NCKAP5: variants seen among roughly 807,000 people sequenced by gnomAD.
NCKAP5 encodes the protein NCK associated protein 5.
NCKAP5 carries 92 observed loss-of-function variants against 167.0 expected under a neutral mutation model. The observed-to-expected ratio is 0.55, with a 90% CI of 0.47 to 0.66. NCKAP5 has a LOEUF of 0.66. Among genes scored for constraint, NCKAP5 ranks in the 30% least tolerant of loss-of-function variants. NCKAP5 has a pLI of 0.00. For synonymous variants in NCKAP5, 891 were observed against 877.4 expected, an observed-to-expected ratio of 1.02 and a Z score of -0.27; for missense variants, 2,378 against 2,315.0, an observed-to-expected ratio of 1.03 and a Z score of -0.56.
At chr2:133,129,691 CTACTG>C (rs1263737294) in intron 6 of NCKAP5, among the ~76,000 whole-genome samples, 1 of 152,202 alleles carries the variant, frequency 6.6e-6, no homozygotes, top group African/African-American at 2.4e-5. Flanking sequence ...AAGGACAAGC[CTACTG>C]GCTGCAAAGC....
chr2:132,915,011 T>G (rs1694754299), intron 8 of NCKAP5, among the ~76,000 whole-genome samples: 1 of 149,736 alleles, frequency 6.7e-6, no homozygotes, highest in African/African-American at 2.5e-5. Flanking sequence ...AAAAAATGCC[T>G]ATTGCATACC....
At chr2:133,123,549 A>T (rs1254471024) in intron 6 of NCKAP5, 3 of 250,970 alleles carry the variant, frequency 1.2e-5, no homozygotes, top group African/African-American at 6.6e-5. Flanking sequence ...GAGAGGCCCC[A>T]ATTTTTATGA....
At chr2:132,936,882 G>A (rs1314547441) in intron 8 of NCKAP5, among the ~76,000 whole-genome samples, 1 of 152,098 alleles carries the variant, frequency 6.6e-6, no homozygotes, top group South Asian at 2.1e-4. Context: ...ATGAAATGAG[G>A]GTTTGTGTGA....
At position 133,017,731 on chromosome 2, in the gene NCKAP5, C is replaced by T. The variant is rs540240911; in HGVS notation, c.342-23492G>A. ...TGTAAGGCAAGTTCTTCCCCGCCCC[C>T]CCACTGTTTCCTTCTCTCCCCAGTC... On this transcript the variant is annotated intron_variant, in intron 6 of 19. Coordinates refer to ENST00000409261, the MANE Select transcript of NCKAP5 (RefSeq NM_207363.3). Among the ~76,000 whole-genome samples the T allele has an allele frequency of 4.1e-5, 6 of 147,880 alleles. No homozygotes were observed. In the East Asian group the frequency reaches 9.7e-4, roughly 24 times the overall value.
chr2:133,365,630 T>A (rs992517544), intron 3 of NCKAP5, among the ~76,000 whole-genome samples: 3 of 152,196 alleles, frequency 2.0e-5, no homozygotes, highest in African/African-American at 7.2e-5. Context: ...TTTTCTCACA[T>A]CTTGCTCTGC....
chr2:133,560,711 C>G (rs563671899), intron 1 of NCKAP5, among the ~76,000 whole-genome samples: 1 of 152,300 alleles, frequency 6.6e-6, no homozygotes, highest in South Asian at 2.1e-4. Context: ...ATGACACGCT[C>G]TCAGCTCTCG....
At chr2:133,422,312 C>T (rs557304494) in intron 3 of NCKAP5, among the ~76,000 whole-genome samples, 3 of 152,326 alleles carry the variant, frequency 2.0e-5, no homozygotes, top group South Asian at 2.1e-4. Context: ...ATAAATGCCA[C>T]GGCAAAGTGC....
At chr2:132,936,229 G>A (rs973101095) in intron 8 of NCKAP5, among the ~76,000 whole-genome samples, 3 of 152,066 alleles carry the variant, frequency 2.0e-5, no homozygotes, top group East Asian at 1.9e-4. Context: ...TGATCTGCCC[G>A]CCTTGGCTTC....
the NCKAP5 span, among the ~76,000 whole-genome samples, chr2:133,589,867 A>G: frequency 6.6e-6 from 1 of 152,254 alleles, no homozygotes; most frequent in Admixed American, 6.5e-5. Flanking sequence ...GCTAATGTAC[A>G]TGAAACACAA....
At chr2:133,588,818 C>A in the NCKAP5 span, among the ~76,000 whole-genome samples, 1 of 152,146 alleles carries the variant, frequency 6.6e-6, no homozygotes, top group Non-Finnish European at 1.5e-5. Flanking sequence ...AGTGAGGAAG[C>A]AAACCATGAG....
intron 8 of NCKAP5, among the ~76,000 whole-genome samples, chr2:132,947,985 TG>T (rs1379010299): frequency 6.6e-6 from 1 of 152,110 alleles, no homozygotes; most frequent in East Asian, 1.9e-4. Flanking sequence ...CTGAGATGAA[TG>T]GGGGATTGCG....
chr2:133,326,846 C>G (rs547143361), intron 3 of NCKAP5, among the ~76,000 whole-genome samples: 4 of 152,318 alleles, frequency 2.6e-5, no homozygotes, highest in African/African-American at 9.6e-5. Flanking sequence ...GCAGCATTTC[C>G]TGGGTGCTTG....
the NCKAP5 span, among the ~76,000 whole-genome samples, chr2:133,631,341 A>G: frequency 6.6e-6 from 1 of 152,242 alleles, no homozygotes; most frequent in Non-Finnish European, 1.5e-5. Context: ...TATGCAGTGT[A>G]AAGCAAGAGC....
chr2:132,692,741 G>A (rs1046993934), intron 19 of NCKAP5, among the ~76,000 whole-genome samples: 16 of 152,138 alleles, frequency 1.1e-4, no homozygotes, highest in Admixed American at 9.8e-4. Context: ...TGTTTAACGT[G>A]GAAAACCACT....
At chr2:133,055,041 C>G (rs576859156) in intron 6 of NCKAP5, among the ~76,000 whole-genome samples, 10 of 152,098 alleles carry the variant, frequency 6.6e-5, no homozygotes, top group Non-Finnish European at 1.2e-4. Context: ...ATTTTCTTGA[C>G]TCAACCATTA....
chr2:133,633,276 C>G, the NCKAP5 span, among the ~76,000 whole-genome samples: 19 of 152,306 alleles, frequency 1.2e-4, 1 homozygote, highest in African/African-American at 4.6e-4. Context: ...CAAATGGCAG[C>G]CTTTGTCAAT....
chr2:133,208,320 A>G (rs2086053717), intron 5 of NCKAP5, among the ~76,000 whole-genome samples: 1 of 152,212 alleles, frequency 6.6e-6, no homozygotes, highest in Non-Finnish European at 1.5e-5. Flanking sequence ...CCTGGGCAAC[A>G]GAGCGAGACC....
chr2:133,259,043 C>A lies in NCKAP5; in HGVS notation c.143+43994G>T, dbSNP rs538961594. 3.2e-3 allele frequency among the ~76,000 whole-genome samples: 494 copies of A among 152,232 alleles called. 3 individuals are homozygous for A. The highest frequency in any genetic ancestry group is 0.011 in the African/African-American group (474 of 41,548). On this transcript the variant is annotated intron_variant, in intron 4 of 19. Coordinates refer to ENST00000409261, the MANE Select transcript of NCKAP5 (RefSeq NM_207363.3). Reference sequence around the variant, plus strand: ...GACCCATATTAATGGGTCTCTGCTACCGCTCCACCTCCACCTCCCACCCTC... The same window carrying A: ...GACCCATATTAATGGGTCTCTGCTAACGCTCCACCTCCACCTCCCACCCTC...
At chr2:133,215,298 A>G (rs1353431007) in intron 4 of NCKAP5, among the ~76,000 whole-genome samples, 4 of 152,250 alleles carry the variant, frequency 2.6e-5, no homozygotes, top group Admixed American at 6.5e-5. Context: ...TAATTGAAAA[A>G]GAAGGATATG....
Sources: allele counts gnomAD v4.1 joint callset (sites outside exome capture counted in the v4.1 genomes callset), GRCh38; gene constraint gnomAD v4.1.1; transcripts MANE v1.5; gene names NCBI Gene and HGNC (gene_info 2026-07-23, HGNC 2026-07-21).